Variants in ADAMTSL1 observed in about 807,000 individuals in gnomAD.
The protein encoded by ADAMTSL1 is ADAMTS-like protein 1.
A neutral mutation model predicts 201.8 loss-of-function variants in ADAMTSL1; 126 were observed. The ratio of observed to expected loss-of-function variants is 0.62; its 90% CI spans 0.54 to 0.72. The LOEUF is 0.72. ADAMTSL1 is among the 30% of genes least tolerant of loss of function. The probability of loss-of-function intolerance (pLI) is 0.00; values close to 1 mark genes in which losing one functional copy is unlikely to be tolerated. For missense variants in ADAMTSL1, 2,679 were observed against 2,277.8 expected (o/e 1.18, Z -3.59); for synonymous variants, 1,121 against 903.4 (o/e 1.24, Z -4.32).
intron 5 of ADAMTSL1, among the ~76,000 whole-genome samples, chr9:18,628,582 AT>A (rs1826546248): frequency 6.6e-6 from 1 of 152,034 alleles, no homozygotes; most frequent in African/African-American, 2.4e-5. Flanking sequence ...TTCCATATAA[AT>A]TTTACTATCT....
intron 2 of ADAMTSL1, among the ~76,000 whole-genome samples, chr9:18,272,405 C>T (rs1311046040): frequency 6.6e-6 from 1 of 152,140 alleles, no homozygotes; most frequent in African/African-American, 2.4e-5. Flanking sequence ...GCTAGCTATA[C>T]GTAGAAAGCT....
chr9:18,872,881 G>A (rs1827946748), intron 23 of ADAMTSL1, among the ~76,000 whole-genome samples: 1 of 152,108 alleles, frequency 6.6e-6, no homozygotes, highest in African/African-American at 2.4e-5. Context: ...TGGATCAAAT[G>A]GTAGATCTAT....
chr9:18,794,917 T>C (rs1822305098), intron 19 of ADAMTSL1, among the ~76,000 whole-genome samples: 4 of 152,182 alleles, frequency 2.6e-5, no homozygotes, highest in Admixed American at 2.6e-4. Context: ...GCTGGGATTA[T>C]AGGCATGAGC....
At chr9:18,003,092 C>G (rs762163463) in intron 1 of ADAMTSL1, among the ~76,000 whole-genome samples, 37 of 151,910 alleles carry the variant, frequency 2.4e-4, no homozygotes, top group Admixed American at 6.6e-5. Flanking sequence ...TGACTTTATA[C>G]TAGAGAATGG....
chr9:17,968,718 T>G (rs1818079475), intron 1 of ADAMTSL1, among the ~76,000 whole-genome samples: 1 of 152,164 alleles, frequency 6.6e-6, no homozygotes, highest in Non-Finnish European at 1.5e-5. Flanking sequence ...ATGCACTGGC[T>G]GGCCCCATGC....
chr9:18,831,798 C>T (rs761899839), intron 23 of ADAMTSL1, among the ~76,000 whole-genome samples: 13 of 152,140 alleles, frequency 8.5e-5, no homozygotes, highest in African/African-American at 9.7e-5. Flanking sequence ...GTCAGTGTCA[C>T]GCCAGCACTA....
chr9:18,447,626 A>G (rs915708864), intron 2 of ADAMTSL1, among the ~76,000 whole-genome samples: 3 of 152,238 alleles, frequency 2.0e-5, no homozygotes, highest in Non-Finnish European at 2.9e-5. Flanking sequence ...TCTCGCAATT[A>G]TAAGTGTGTG....
chr9:18,011,166 A>G (rs921457361), intron 1 of ADAMTSL1, among the ~76,000 whole-genome samples: 2 of 152,048 alleles, frequency 1.3e-5, no homozygotes, highest in Non-Finnish European at 2.9e-5. Flanking sequence ...CTAATTTTGG[A>G]TCTTGAGACA....
At chr9:18,391,031 G>C (rs572988693) in intron 2 of ADAMTSL1, among the ~76,000 whole-genome samples, 2 of 152,302 alleles carry the variant, frequency 1.3e-5, no homozygotes, top group Admixed American at 1.3e-4. Context: ...AGATGAAGGA[G>C]CTACAGGAGC....
Position 18,701,730 on chromosome 9 carries a change from C to G in ADAMTSL1, c.1575-5017C>G, listed in dbSNP as rs371108442. Among the ~76,000 whole-genome samples, 7 of 152,086 alleles carry G rather than the reference C, an allele frequency of 4.6e-5. No homozygotes were observed. The East Asian group carries it at 5.8e-4, about 13-fold the overall frequency. Reference sequence around the variant, plus strand: ...TTTTAATGAGACTTCCTGCATGTTTCAATTTGCATTTTTAAATTAGGGCAT... The same window carrying G: ...TTTTAATGAGACTTCCTGCATGTTTGAATTTGCATTTTTAAATTAGGGCAT... On this transcript the variant is annotated intron_variant, in intron 13 of 28. Coordinates refer to ENST00000380548, the MANE Select transcript of ADAMTSL1 (RefSeq NM_001040272.6).
intron 1 of ADAMTSL1, among the ~76,000 whole-genome samples, chr9:18,041,269 T>C (rs560455949): frequency 7.0e-4 from 106 of 152,338 alleles, no homozygotes; most frequent in African/African-American, 1.1e-3. Flanking sequence ...ACATTTATTT[T>C]AGTTTTTTTG....
intron 2 of ADAMTSL1, among the ~76,000 whole-genome samples, chr9:18,341,158 C>T (rs545387332): frequency 1.2e-4 from 19 of 152,260 alleles, no homozygotes; most frequent in African/African-American, 4.3e-4. Flanking sequence ...AAGTTGTCCT[C>T]TGGATTAAAC....
intron 1 of ADAMTSL1, among the ~76,000 whole-genome samples, chr9:18,037,777 T>C (rs531712910): frequency 1.9e-4 from 29 of 152,282 alleles, no homozygotes; most frequent in African/African-American, 6.0e-4. Context: ...GAAGTAAAAT[T>C]GTTCCATATA....
At chr9:17,979,842 G>A (rs1818615300) in intron 1 of ADAMTSL1, among the ~76,000 whole-genome samples, 1 of 152,098 alleles carries the variant, frequency 6.6e-6, no homozygotes, top group South Asian at 2.1e-4. Context: ...GGGTCCATGA[G>A]CATGCCTACT....
chr9:18,817,348 G>C, intron 21 of ADAMTSL1, 111 bp downstream of exon 21: 16 of 1,107,372 alleles, frequency 1.4e-5, no homozygotes, highest in Non-Finnish European at 2.0e-5. Flanking sequence ...GTGCTAGTAG[G>C]AAAGCCAAAG....
At chr9:18,398,850 A>C (rs1416554852) in intron 2 of ADAMTSL1, among the ~76,000 whole-genome samples, 2 of 152,166 alleles carry the variant, frequency 1.3e-5, no homozygotes, top group African/African-American at 4.8e-5. Context: ...TCATTTAACA[A>C]ATGTTTAATG....
intron 2 of ADAMTSL1, among the ~76,000 whole-genome samples, chr9:18,165,412 C>T (rs1827588078): frequency 6.6e-6 from 1 of 151,780 alleles, no homozygotes; most frequent in South Asian, 2.1e-4. Context: ...CCACTGAAAC[C>T]AATTTTTGTC....
chr9:17,984,267 T>C (rs1272590058), intron 1 of ADAMTSL1, among the ~76,000 whole-genome samples: 1 of 152,140 alleles, frequency 6.6e-6, no homozygotes, highest in Non-Finnish European at 1.5e-5. Flanking sequence ...GTAAATTTCA[T>C]ACTCTCAGCA....
At chr9:18,255,011 T>C (rs1177258878) in intron 2 of ADAMTSL1, among the ~76,000 whole-genome samples, 1 of 152,188 alleles carries the variant, frequency 6.6e-6, no homozygotes, top group Non-Finnish European at 1.5e-5. Flanking sequence ...AAGTGTGACC[T>C]TACTGGATTT....
Sources: allele counts gnomAD v4.1 joint callset (sites outside exome capture counted in the v4.1 genomes callset), GRCh38; gene constraint gnomAD v4.1.1; transcripts MANE v1.5; gene names NCBI Gene and HGNC (gene_info 2026-07-23, HGNC 2026-07-21).